The following DLG2 variants were observed in gnomAD, a reference collection of about 807,000 sequenced individuals.
DLG2 encodes the protein disks large homolog 2.
DLG2 carries 45 observed loss-of-function variants against 132.5 expected under a neutral mutation model. The observed-to-expected ratio is 0.34, with a 90% CI of 0.27 to 0.44. The LOEUF (loss-of-function observed/expected upper bound fraction) is 0.44. Ranked by LOEUF, DLG2 falls within the 20% of genes least tolerant of loss-of-function variation. The pLI is 1.00. For synonymous variants in DLG2, 424 were observed against 419.6 expected, an observed-to-expected ratio of 1.01 and a Z score of -0.13; for missense variants, 1,045 against 1,196.9, an observed-to-expected ratio of 0.87 and a Z score of 1.87.
chr11:85,010,325 C>G (rs191747055), intron 6 of DLG2, among the ~76,000 whole-genome samples: 2 of 152,036 alleles, frequency 1.3e-5, no homozygotes, highest in African/African-American at 4.8e-5. Context: ...TAAAGACACT[C>G]TGATGACACA....
chr11:85,252,665 G>T (rs1383612611), intron 4 of DLG2, among the ~76,000 whole-genome samples: 2 of 152,150 alleles, frequency 1.3e-5, no homozygotes, highest in Non-Finnish European at 2.9e-5. Context: ...TTGCACAAGT[G>T]AAGTCAGTGT....
Position 83,459,087 on chromosome 11 carries a change from A to C in DLG2, c.*731T>G, listed in dbSNP as rs1275232450. The stretch of plus-strand genomic sequence containing the variant: ...TTTTAACCTATAGAAATTTGTTTCT[A>C]TACATTTAATATATTTTTATTGTAT... On this transcript the variant is annotated 3_prime_UTR_variant, in exon 28 of 28. Coordinates refer to ENST00000376104, the MANE Select transcript of DLG2 (RefSeq NM_001142699.3). 2 of 151,086 alleles carry C rather than the reference A, an allele frequency of 1.3e-5. No homozygotes were observed. The highest frequency in any genetic ancestry group is 1.9e-4 in the East Asian group (1 of 5,202). 9.4% of individuals were successfully genotyped at this position (151,086 alleles called of 1,614,324 possible).
At chr11:83,711,560 C>T (rs915291536) in intron 18 of DLG2, among the ~76,000 whole-genome samples, 4 of 152,116 alleles carry the variant, frequency 2.6e-5, no homozygotes, top group Non-Finnish European at 1.5e-5. Context: ...ACACTTGGCA[C>T]CTCAGGCTGA....
chr11:83,802,771 T>C (rs1021251988), intron 17 of DLG2, among the ~76,000 whole-genome samples: 2 of 152,138 alleles, frequency 1.3e-5, no homozygotes, highest in Non-Finnish European at 2.9e-5. Context: ...TAGAACTATA[T>C]GTGTATCTAG....
intron 6 of DLG2, among the ~76,000 whole-genome samples, chr11:84,928,982 G>GTGTGTGTATATATATATATATATA (rs1400906684): frequency 6.1e-5 from 3 of 49,114 alleles, no homozygotes; most frequent in African/African-American, 1.8e-4. Flanking sequence ...GTGTGTGTGT[G>GTGTGTGTATATATATATATATATA]TATATATATA....
chr11:83,542,516 C>T (rs772497514), intron 19 of DLG2, among the ~76,000 whole-genome samples: 21 of 152,164 alleles, frequency 1.4e-4, no homozygotes, highest in Non-Finnish European at 2.6e-4. Context: ...ATAAACAACA[C>T]GACAAATATT....
At chr11:84,879,306 T>C (rs761890993) in intron 6 of DLG2, among the ~76,000 whole-genome samples, 3 of 152,166 alleles carry the variant, frequency 2.0e-5, no homozygotes, top group Non-Finnish European at 4.4e-5. Flanking sequence ...CAAATATTTA[T>C]TGAGTGCCAA....
intron 7 of DLG2, among the ~76,000 whole-genome samples, chr11:84,451,492 G>T (rs1045908698): frequency 1.3e-5 from 2 of 151,782 alleles, no homozygotes; most frequent in African/African-American, 4.8e-5. Flanking sequence ...AAAAATGAAA[G>T]CGTTCATGAT....
chr11:85,015,650 T>C (rs2059509445), intron 6 of DLG2, among the ~76,000 whole-genome samples: 1 of 152,108 alleles, frequency 6.6e-6, no homozygotes, highest in South Asian at 2.1e-4. Flanking sequence ...TGGCAAACAC[T>C]TAAAACTCCA....
intron 4 of DLG2, among the ~76,000 whole-genome samples, chr11:85,211,165 T>C (rs1181701175): frequency 6.6e-6 from 1 of 152,144 alleles, no homozygotes; most frequent in African/African-American, 2.4e-5. Context: ...CCAAATATCT[T>C]TGGTAGACAA....
At chr11:85,625,234 T>C (rs1275958280) in intron 2 of DLG2, 1 of 152,086 alleles carries the variant, frequency 6.6e-6, no homozygotes, top group Admixed American at 6.5e-5. Flanking sequence ...CAAAATAAGG[T>C]AATCCAAAAG....
chr11:84,062,039 C>A (rs960138739), intron 10 of DLG2, among the ~76,000 whole-genome samples: 5 of 152,060 alleles, frequency 3.3e-5, no homozygotes, highest in Admixed American at 6.6e-5. Flanking sequence ...TAAAACACTG[C>A]TTTTCATAGA....
chr11:83,918,470 T>C (rs1033868156), intron 15 of DLG2, among the ~76,000 whole-genome samples: 1 of 152,172 alleles, frequency 6.6e-6, no homozygotes, highest in African/African-American at 2.4e-5. Context: ...AGGTATATCG[T>C]CTTCTAAGAA....
intron 3 of DLG2, among the ~76,000 whole-genome samples, chr11:85,358,160 G>A (rs1039694570): frequency 1.3e-5 from 2 of 152,108 alleles, no homozygotes; most frequent in African/African-American, 4.8e-5. Flanking sequence ...GCACCTGACT[G>A]TAAACTTTTT....
chr11:83,685,538 C>G (rs2079582961), intron 18 of DLG2, among the ~76,000 whole-genome samples: 1 of 152,100 alleles, frequency 6.6e-6, no homozygotes, highest in South Asian at 2.1e-4. Context: ...ATCTATCCTT[C>G]TACGTCTCCT....
intron 6 of DLG2, among the ~76,000 whole-genome samples, chr11:84,571,670 A>G (rs1432933923): frequency 6.6e-6 from 1 of 152,106 alleles, no homozygotes; most frequent in Non-Finnish European, 1.5e-5. Flanking sequence ...AAGAGTGGTG[A>G]CATGTAGATG....
intron 6 of DLG2, among the ~76,000 whole-genome samples, chr11:85,083,308 A>G (rs2067485068): frequency 6.6e-6 from 1 of 152,178 alleles, no homozygotes; most frequent in Non-Finnish European, 1.5e-5. Context: ...AGCAATAAAG[A>G]CAGCCCAAGC....
At chr11:85,104,632 T>C (rs930242934) in intron 6 of DLG2, among the ~76,000 whole-genome samples, 1 of 151,760 alleles carries the variant, frequency 6.6e-6, no homozygotes, top group Non-Finnish European at 1.5e-5. Flanking sequence ...CCAAAATTGA[T>C]TGGAGTGATA....
intron 4 of DLG2, among the ~76,000 whole-genome samples, chr11:85,273,773 A>C (rs1417089071): frequency 2.0e-5 from 3 of 152,238 alleles, no homozygotes; most frequent in Non-Finnish European, 4.4e-5. Context: ...CCAAAGGATT[A>C]TAAATCATGC....
Sources: allele counts gnomAD v4.1 joint callset (sites outside exome capture counted in the v4.1 genomes callset), GRCh38; gene constraint gnomAD v4.1.1; transcripts MANE v1.5; gene names NCBI Gene and HGNC (gene_info 2026-07-23, HGNC 2026-07-21).